Variants in ARHGAP15 observed in about 807,000 individuals in gnomAD.
ARHGAP15 encodes Rho GTPase activating protein 15, also known as rho GTPase-activating protein 15.
A neutral mutation model predicts 63.7 loss-of-function variants in ARHGAP15; 51 were observed. The observed-to-expected ratio is 0.80, with a 90% confidence interval of 0.64 to 1.01. ARHGAP15 has a LOEUF of 1.01. ARHGAP15 is among the 50% of genes least tolerant of loss of function. The probability of loss-of-function intolerance (pLI) is 0.00; values close to 1 mark genes in which losing one functional copy is unlikely to be tolerated. For missense variants in ARHGAP15, 560 were observed against 564.6 expected, an observed-to-expected ratio of 0.99 and a Z score of 0.08; for synonymous variants, 191 against 193.8, an observed-to-expected ratio of 0.99 and a Z score of 0.12.
chr2:143,170,918 C>G (rs1333801745), intron 2 of ARHGAP15, among the ~76,000 whole-genome samples: 1 of 152,114 alleles, frequency 6.6e-6, no homozygotes, highest in African/African-American at 2.4e-5. Flanking sequence ...TCTCTAACCT[C>G]AACAGAACCT....
intron 13 of ARHGAP15, among the ~76,000 whole-genome samples, chr2:143,705,516 G>T (rs1281247625): frequency 6.6e-6 from 1 of 152,154 alleles, no homozygotes; most frequent in Non-Finnish European, 1.5e-5. Context: ...CTGGCACAAG[G>T]TAAGCATTCC....
intron 12 of ARHGAP15, among the ~76,000 whole-genome samples, chr2:143,637,864 A>G (rs1320817188): frequency 6.6e-6 from 1 of 152,212 alleles, no homozygotes; most frequent in Non-Finnish European, 1.5e-5. Context: ...ACTTCTCAAA[A>G]GAAGACATTT....
chr2:143,379,581 C>T (rs1484700653), intron 6 of ARHGAP15, among the ~76,000 whole-genome samples: 4 of 151,132 alleles, frequency 2.6e-5, no homozygotes, highest in Non-Finnish European at 5.9e-5. Context: ...ACACAATTCT[C>T]TCTTTAGTTT....
At chr2:143,617,228 AAGTGTAGCAT>A (rs1262952677) in intron 11 of ARHGAP15, among the ~76,000 whole-genome samples, 1 of 152,204 alleles carries the variant, frequency 6.6e-6, no homozygotes, top group Non-Finnish European at 1.5e-5. Context: ...TGTGTTTCAC[AAGTGTAGCAT>A]AGCCCTTGTG....
At position 143,344,058 on chromosome 2, in the gene ARHGAP15, G is replaced by A. The variant is rs183524422; in HGVS notation, c.475-91543G>A. 2.6e-5 allele frequency: 4 copies of A among 152,178 alleles called. No homozygotes were observed. The East Asian group carries it at 7.7e-4, about 29-fold the overall frequency. The allele number at this position is 152,178 out of a possible 1,614,324, so 9.4% of individuals were successfully genotyped here. On this transcript the variant is annotated intron_variant, in intron 6 of 13. Coordinates refer to ENST00000295095, the MANE Select transcript of ARHGAP15 (RefSeq NM_018460.4). ...AACAAACTTACATAAAAAACAGATT[G>A]CCAGGCAGGCTTTGAGGAGTCTCTG...
chr2:143,663,547 T>C (rs1681955701), intron 12 of ARHGAP15, among the ~76,000 whole-genome samples: 1 of 150,444 alleles, frequency 6.6e-6, no homozygotes, highest in Non-Finnish European at 1.5e-5. Context: ...AATGACAGGA[T>C]CAAATTCACA....
At chr2:143,444,074 C>T (rs917327118) in intron 8 of ARHGAP15, among the ~76,000 whole-genome samples, 1 of 152,176 alleles carries the variant, frequency 6.6e-6, no homozygotes, top group East Asian at 1.9e-4. Context: ...TCCACCTAAC[C>T]CTCTCAGTGC....
chr2:143,644,960 G>C (rs1324066049), intron 12 of ARHGAP15, among the ~76,000 whole-genome samples: 4 of 151,926 alleles, frequency 2.6e-5, no homozygotes, highest in Non-Finnish European at 4.4e-5. Flanking sequence ...CTGTATGTTG[G>C]GGGACACCCA....
At chr2:143,677,318 G>T (rs1321438156) in intron 12 of ARHGAP15, among the ~76,000 whole-genome samples, 1 of 152,236 alleles carries the variant, frequency 6.6e-6, no homozygotes, top group Non-Finnish European at 1.5e-5. Context: ...CATGGAATGT[G>T]TATTGTTTAT....
chr2:143,298,309 T>C (rs2105142324), intron 6 of ARHGAP15, among the ~76,000 whole-genome samples: 1 of 152,092 alleles, frequency 6.6e-6, no homozygotes, highest in East Asian at 1.9e-4. Context: ...CACCTCAAAT[T>C]GATGTAATCC....
intron 6 of ARHGAP15, among the ~76,000 whole-genome samples, chr2:143,361,924 A>G (rs1346223040): frequency 6.6e-6 from 1 of 152,178 alleles, no homozygotes. Context: ...CAAACTCTTT[A>G]CTATAACTTT....
chr2:143,752,513 G>A (rs1047730553), intron 13 of ARHGAP15, among the ~76,000 whole-genome samples: 5 of 152,266 alleles, frequency 3.3e-5, no homozygotes, highest in Admixed American at 1.3e-4. Flanking sequence ...TGCCACCATC[G>A]ATGGACTCCT....
chr2:143,154,604 G>T (rs776892066), intron 1 of ARHGAP15, among the ~76,000 whole-genome samples: 11 of 151,870 alleles, frequency 7.2e-5, no homozygotes, highest in Non-Finnish European at 1.6e-4. Flanking sequence ...AGATGTGTTT[G>T]TATTGCAACC....
At chr2:143,283,119 T>G (rs1434223204) in intron 6 of ARHGAP15, among the ~76,000 whole-genome samples, 1 of 152,192 alleles carries the variant, frequency 6.6e-6, no homozygotes, top group African/African-American at 2.4e-5. Flanking sequence ...CTAACATTTT[T>G]CAAGGCAAAA....
intron 5 of ARHGAP15, among the ~76,000 whole-genome samples, chr2:143,241,226 C>T (rs918540359): frequency 6.6e-6 from 1 of 152,132 alleles, no homozygotes; most frequent in Non-Finnish European, 1.5e-5. Context: ...GAAACAGGGG[C>T]TTTCAAGTCA....
intron 13 of ARHGAP15, among the ~76,000 whole-genome samples, chr2:143,759,682 C>A (rs1218500715): frequency 6.6e-6 from 1 of 151,994 alleles, no homozygotes; most frequent in Non-Finnish European, 1.5e-5. Context: ...TTGTACCTAC[C>A]ATTCCCCGCC....
In ARHGAP15 at chr2:143,441,077, A is replaced by G. The variant is rs1404056900; in HGVS notation, c.703+4035A>G. On this transcript the variant is annotated intron_variant, in intron 8 of 13. Coordinates refer to ENST00000295095, the MANE Select transcript of ARHGAP15 (RefSeq NM_018460.4). ...TTAGACATGTAAATACTTAGCTCAT[A>G]GCAGGCACTCAGTAAGTAGGAGCTC... is the stretch of plus-strand genomic sequence containing the variant. Among the ~76,000 whole-genome samples the G allele has an allele frequency of 2.0e-5, 3 of 152,286 alleles. No individual in the cohort carries two copies. In the East Asian group the frequency reaches 5.8e-4, roughly 29 times the overall value.
intron 6 of ARHGAP15, among the ~76,000 whole-genome samples, chr2:143,342,690 T>C (rs866156749): frequency 1.3e-5 from 2 of 152,044 alleles, no homozygotes; most frequent in African/African-American, 4.8e-5. Context: ...GTTAAGTCTG[T>C]GTGTCAGAAA....
intron 10 of ARHGAP15, among the ~76,000 whole-genome samples, chr2:143,542,690 G>T (rs10175183): frequency 1.3e-5 from 1 of 79,358 alleles, no homozygotes. Flanking sequence ...ATGATATATA[G>T]TATCACATAT....
Sources: allele counts gnomAD v4.1 joint callset (sites outside exome capture counted in the v4.1 genomes callset), GRCh38; gene constraint gnomAD v4.1.1; transcripts MANE v1.5; gene names NCBI Gene and HGNC (gene_info 2026-07-23, HGNC 2026-07-21).